Variants in PCF11 observed in about 807,000 individuals in gnomAD.
The protein encoded by PCF11 is PCF11 cleavage and polyadenylation factor subunit.
PCF11 carries 19 observed loss-of-function variants against 166.1 expected under a neutral mutation model. The observed-to-expected ratio is 0.11, with a 90% CI of 0.08 to 0.17. PCF11 has a LOEUF of 0.17. Ranked by LOEUF, PCF11 falls within the 10% of genes least tolerant of loss-of-function variation. The probability of loss-of-function intolerance (pLI) is 1.00; values close to 1 mark genes in which losing one functional copy is unlikely to be tolerated. For synonymous variants in PCF11, 663 were observed against 644.1 expected, an observed-to-expected ratio of 1.03 and a Z score of -0.44; for missense variants, 1,565 against 1,855.5, an observed-to-expected ratio of 0.84 and a Z score of 2.88.
In PCF11 at chr11:83,168,868, G is replaced by A. The variant is rs368922582; in HGVS notation, c.2533G>A (p.Gly845Ser). The A allele has an allele frequency of 1.2e-5, 19 of 1,613,270 alleles. No individual in the cohort carries two copies. In the African/African-American group the frequency reaches 1.3e-4, roughly 11 times the overall value. ...CCCAATTGGTCAAGCAGGAGGAGGT[G>A]GTTTTCGGTTTGAAGGTTCCCCTGG... Residue 845 changes from glycine (G) to serine (S), a missense_variant, in exon 8 of 16, where the codon GGT becomes AGT. Coordinates refer to ENST00000298281, the Ensembl canonical transcript of PCF11.
chr11:83,181,412 A>C (rs642669), intron 12 of PCF11, among the ~76,000 whole-genome samples: 1 of 150,156 alleles, frequency 6.7e-6, no homozygotes, highest in South Asian at 2.1e-4. Flanking sequence ...TTTTTTTTTT[A>C]AATTAAGATT....
chr11:83,180,850 T>C, intron 11 of PCF11, 158 bp from the exon 12 acceptor site: 2 of 448,728 alleles, frequency 4.5e-6, no homozygotes, highest in East Asian at 3.2e-5. Context: ...GTCAATCACA[T>C]TGTTAGAGAA....
At chr11:83,169,363 G>T (rs1315848927) in exon 8 of PCF11, 1 of 1,613,796 alleles carries the variant, frequency 6.2e-7, no homozygotes, top group South Asian at 1.1e-5. Context: ...GAGGTTTGAG[G>T]GTCCTTCTGT....
At chr11:83,160,281 A>G (rs536104897) in intron 1 of PCF11, among the ~76,000 whole-genome samples, 1 of 135,360 alleles carries the variant, frequency 7.4e-6, no homozygotes, top group African/African-American at 2.8e-5. Flanking sequence ...TAGGGTTAAG[A>G]TTCCTATACA....
chr11:83,182,326 T>C (rs952692163), intron 13 of PCF11, 73 bp from the exon 14 acceptor site: 5 of 782,314 alleles, frequency 6.4e-6, no homozygotes, highest in Non-Finnish European at 8.6e-6. Context: ...CTTAACAGTG[T>C]TTGTATATTT....
chr11:83,171,754 G>A, intron 8 of PCF11, 64 bp from the exon 9 acceptor site: 2 of 829,834 alleles, frequency 2.4e-6, no homozygotes, highest in Non-Finnish European at 2.1e-6. Context: ...TATGTAATTA[G>A]GATGTTAAAA....
chr11:83,174,076 A>G (rs1382524918), intron 9 of PCF11, among the ~76,000 whole-genome samples: 1 of 152,180 alleles, frequency 6.6e-6, no homozygotes, highest in Non-Finnish European at 1.5e-5. Context: ...TGTACAGGAC[A>G]TAGCAGTGTC....
At chr11:83,185,937 G>GAGAT (rs1268926855) in exon 16 of PCF11, 7 of 152,490 alleles carry the variant, frequency 4.6e-5, no homozygotes, top group African/African-American at 1.7e-4. Flanking sequence ...CCATTTATTG[G>GAGAT]AGATAGGCAT....
chr11:83,158,652 GT>G (rs1250154984), intron 1 of PCF11: 2 of 152,142 alleles, frequency 1.3e-5, no homozygotes, highest in African/African-American at 4.8e-5. Flanking sequence ...TTTCAAGCTT[GT>G]ACTCACGGTT....
At chr11:83,161,652 A>G (rs1446078601) in intron 2 of PCF11, among the ~76,000 whole-genome samples, 200 bp downstream of exon 2, 1 of 152,224 alleles carries the variant, frequency 6.6e-6, no homozygotes, top group East Asian at 1.9e-4. Flanking sequence ...AGGGGTTTAC[A>G]TTATCCATTT....
chr11:83,185,867 G>C (rs960829497), exon 16 of PCF11: 4 of 152,446 alleles, frequency 2.6e-5, no homozygotes, highest in African/African-American at 9.7e-5. Context: ...TCTGTTTTTT[G>C]AAACATGAAC....
intron 9 of PCF11, among the ~76,000 whole-genome samples, chr11:83,174,633 A>T (rs1047496015): frequency 1.3e-5 from 2 of 152,064 alleles, no homozygotes; most frequent in Non-Finnish European, 2.9e-5. Context: ...ATTTAACCTC[A>T]TATCAATCTT....
chr11:83,166,134 G>A (rs761104391), exon 5 of PCF11: 8 of 1,610,078 alleles, frequency 5.0e-6, no homozygotes, highest in South Asian at 3.3e-5. Flanking sequence ...GGATAAGACC[G>A]ATGGCAAAGA....
chr11:83,177,071 C>CA lies in PCF11; in HGVS notation c.3758-14_3758-13insA, dbSNP rs1554987422. The CA allele has an allele frequency of 7.0e-7, 1 of 1,435,508 alleles. No homozygotes were observed. Among genetic ancestry groups the CA allele is most frequent in the African/African-American group, 1.5e-5 (1 of 67,724 alleles). The allele number at this position is 1,435,508 out of a possible 1,614,324, so 88.9% of individuals were successfully genotyped here. A position where few individuals can be genotyped will look rare whatever the true frequency, so the allele number is the denominator to read the frequency against. ...CAAAAGTGGTTTTTTTTCTTTCTTT[C>CA]TTTTTTTTGTTAGGAGCCCTCCCTA... On this transcript the variant is annotated splice_polypyrimidine_tract_variant and intron_variant, in intron 9 of 15. Transcript: ENST00000298281.
At chr11:83,174,794 G>T (rs1051590745) in intron 9 of PCF11, among the ~76,000 whole-genome samples, 1 of 152,138 alleles carries the variant, frequency 6.6e-6, no homozygotes, top group Non-Finnish European at 1.5e-5. Flanking sequence ...ACTAGACTTG[G>T]CTGCCCTCAG....
intron 14 of PCF11, among the ~76,000 whole-genome samples, chr11:83,182,796 C>T (rs1861128186): frequency 1.3e-5 from 2 of 152,120 alleles, no homozygotes; most frequent in South Asian, 4.1e-4. Flanking sequence ...TATATTTCAT[C>T]ATCAAACTAT....
intron 1 of PCF11, among the ~76,000 whole-genome samples, chr11:83,159,211 AGT>A (rs1382696346): frequency 1.3e-5 from 2 of 151,948 alleles, no homozygotes; most frequent in Non-Finnish European, 2.9e-5. Flanking sequence ...TTTTTTTTTA[AGT>A]GTGAGATTTA....
At chr11:83,158,804 T>G (rs960339015) in intron 1 of PCF11, 1 of 152,200 alleles carries the variant, frequency 6.6e-6, no homozygotes, top group Non-Finnish European at 1.5e-5. Context: ...AAAACTTGAG[T>G]GGTCTGACTC....
exon 8 of PCF11, chr11:83,169,089 G>A (rs370397525): frequency 7.4e-6 from 12 of 1,613,624 alleles, no homozygotes; most frequent in Non-Finnish European, 1.0e-5. Flanking sequence ...TTAGATTTGA[G>A]GGGGGTCATG....
Sources: allele counts gnomAD v4.1 joint callset (sites outside exome capture counted in the v4.1 genomes callset), GRCh38; gene constraint gnomAD v4.1.1; transcripts MANE v1.5; gene names NCBI Gene and HGNC (gene_info 2026-07-23, HGNC 2026-07-21).